DCHS1: variants seen among roughly 807,000 people sequenced by gnomAD.
DCHS1 encodes dachsous cadherin-related 1.
Under a neutral mutation model 213.9 loss-of-function variants are expected in DCHS1, and 78 were observed. The observed-to-expected ratio is 0.36, with a 90% CI of 0.30 to 0.44. The LOEUF (loss-of-function observed/expected upper bound fraction) is 0.44, where lower values mean the gene tolerates loss of function less well. Among genes scored for constraint, DCHS1 ranks in the 20% least tolerant of loss-of-function variants. The pLI is 1.00. For synonymous variants in DCHS1, 1,828 were observed against 1,873.7 expected (o/e 0.98, Z 0.63); for missense variants, 3,946 against 4,395.9 (o/e 0.90, Z 2.89).
chr11:6,643,853 T>C (rs758236811), intron 1 of DCHS1, among the ~76,000 whole-genome samples: 3 of 152,176 alleles, frequency 2.0e-5, no homozygotes, highest in African/African-American at 4.8e-5. Flanking sequence ...TCCATTCCTT[T>C]TCCTGTGAAT....
At chr11:6,642,148 C>A (rs1470194197) in intron 1 of DCHS1, among the ~76,000 whole-genome samples, 1 of 152,140 alleles carries the variant, frequency 6.6e-6, no homozygotes, top group Non-Finnish European at 1.5e-5. Context: ...TGGAGCTTTC[C>A]ATCAATACTA....
chr11:6,651,935 A>G (rs1031386500), intron 1 of DCHS1, among the ~76,000 whole-genome samples: 9 of 152,238 alleles, frequency 5.9e-5, no homozygotes. Context: ...AATGTGGCCT[A>G]GAAGAGAGAT....
chr11:6,629,854 G>A lies in DCHS1; in HGVS notation c.4853C>T (p.Thr1618Ile), dbSNP rs749475390. 1.2e-6 allele frequency: 2 copies of A among 1,613,090 alleles called. No homozygotes were observed. Among genetic ancestry groups the A allele is most frequent in the South Asian group, 2.2e-5 (2 of 91,074 alleles). ...DREQRAEHVL[T>I]VVASDHGSPP... ...GGAGCCGTGGTCTGAGGCCACCACTGTCAGTACGTGCTCAGCTCGTTGTTC... is the reference window on the plus strand; with the variant it reads ...GGAGCCGTGGTCTGAGGCCACCACTATCAGTACGTGCTCAGCTCGTTGTTC... The change falls in exon 11 of 21, where the codon ACA (threonine) becomes ATA (isoleucine). Residue 1618 changes from threonine (T) to isoleucine (I), a missense_variant. Around this residue, in one of 3 missense-constraint regions of DCHS1, gnomAD observed 3,384 missense variants for 3,780.1 expected, o/e 0.90. Coordinates refer to ENST00000299441, the MANE Select transcript of DCHS1 (RefSeq NM_003737.4).
At position 6,623,171 on chromosome 11, in the gene DCHS1, C is replaced by A; in HGVS notation, c.8505G>T (p.Val2835=). 1.2e-6 allele frequency: 2 copies of A among 1,607,872 alleles called. No individual in the cohort carries two copies. The highest frequency in any genetic ancestry group is 1.7e-6 in the Non-Finnish European group (2 of 1,177,194). ...CACCCCCATCCTCATCTGTGGCCTGCACGTGACCCAAGCTGTGGCCACGCC... is the reference window on the plus strand; with the variant it reads ...CACCCCCATCCTCATCTGTGGCCTGAACGTGACCCAAGCTGTGGCCACGCC... ...GARRGHSLGH[V]QATDEDGGAD... Residue 2835 remains valine, a synonymous_variant, in exon 21 of 21, where the codon GTG becomes GTT. Coordinates refer to ENST00000299441, the MANE Select transcript of DCHS1 (RefSeq NM_003737.4).
intron 1 of DCHS1, among the ~76,000 whole-genome samples, chr11:6,652,853 G>A (rs1050626896): frequency 3.9e-5 from 6 of 152,110 alleles, no homozygotes; most frequent in Non-Finnish European, 8.8e-5. Flanking sequence ...GAGCCCTGCT[G>A]ATCCCACTGC....
chr11:6,621,831 A>G lies in DCHS1; in HGVS notation c.9845T>C (p.Leu3282Pro). ...GVAQGPSASA[L>P]SAESGLEPPD... Reference sequence around the variant, plus strand: ...TGGCTCCAGGCCAGACTCTGCGCTGAGTGCTGAGGCTGAGGGACCCTGGGC... The same window carrying G: ...TGGCTCCAGGCCAGACTCTGCGCTGGGTGCTGAGGCTGAGGGACCCTGGGC... The change falls in exon 21 of 21, where the codon CTC (leucine) becomes CCC (proline). Residue 3282 changes from leucine (L) to proline (P), a missense_variant. Physicochemically the swap from Leu to Pro is moderately conservative, Grantham distance 98 (BLOSUM62 -3). Coordinates refer to ENST00000299441, the MANE Select transcript of DCHS1 (RefSeq NM_003737.4). The G allele has an allele frequency of 1.9e-6, 3 of 1,609,160 alleles. No homozygotes were observed. Among genetic ancestry groups the G allele is most frequent in the African/African-American group, 1.3e-5 (1 of 74,968 alleles).
chr11:6,642,620 GTC>G (rs1856095634), intron 1 of DCHS1, among the ~76,000 whole-genome samples: 1 of 122,264 alleles, frequency 8.2e-6, no homozygotes, highest in African/African-American at 3.1e-5. Context: ...GGCTCAGAGT[GTC>G]TGAGGGTGGG....
rs1212193015 is a variant in DCHS1, at chr11:6,627,482, G to A, written c.5557C>T (p.Pro1853Ser). Residue 1853 changes from proline (P) to serine (S), a missense_variant, in exon 14 of 21, where the codon CCA becomes TCA. Pro to Ser is a moderately conservative substitution (Grantham distance 74). Around this residue, in one of 3 missense-constraint regions of DCHS1, gnomAD observed 3,384 missense variants for 3,780.1 expected, o/e 0.90. Transcript: ENST00000299441. The surrounding 1 kb of genome is among the most constrained non-coding windows in gnomAD (Gnocchi z 5.4). ...VTVLDANDHA[P>S]AFPVPAYSVE... ...GAGTAGGCAGGCACAGGAAAGGCTG[G>A]AGCATGGTCATTGGCATCCAGCACT... 1.9e-6 allele frequency: 3 copies of A among 1,611,580 alleles called. No homozygotes were observed. The highest frequency in any genetic ancestry group is 2.5e-6 in the Non-Finnish European group (3 of 1,178,948).
At position 6,640,454 on chromosome 11, in the gene DCHS1, C is replaced by A; in HGVS notation, c.1160G>T (p.Arg387Leu). 2 of 1,613,814 alleles carry A rather than the reference C, an allele frequency of 1.2e-6. No individual in the cohort carries two copies. Among genetic ancestry groups the A allele is most frequent in the Non-Finnish European group, 8.5e-7 (1 of 1,179,886 alleles). Residue 387 changes from arginine (R) to leucine (L), a missense_variant, in exon 2 of 21, where the codon CGC becomes CTC. Arg to Leu is a moderately radical substitution (Grantham distance 102). Coordinates refer to ENST00000299441, the MANE Select transcript of DCHS1 (RefSeq NM_003737.4). This position sits in a 1 kb window ranked among gnomAD's most constrained non-coding sequence, Gnocchi z 6.5. ...EAAPPGQLVA[R>L]ISVSDPDDGD... ...ATCATCTGGGTCTGACACAGAGATG[C>A]GAGCAACGAGCTGTCCAGGTGGGGC... is the stretch of plus-strand genomic sequence containing the variant.
At chr11:6,655,345 C>T (rs1382199682) in intron 1 of DCHS1, among the ~76,000 whole-genome samples, 1 of 152,032 alleles carries the variant, frequency 6.6e-6, no homozygotes, top group Non-Finnish European at 1.5e-5. Context: ...CCGCCGCCAC[C>T]CTCCCCGACT....
At chr11:6,651,878 G>T (rs999707257) in intron 1 of DCHS1, among the ~76,000 whole-genome samples, 1 of 151,938 alleles carries the variant, frequency 6.6e-6, no homozygotes, top group Non-Finnish European at 1.5e-5. Flanking sequence ...ATGATAAGGG[G>T]TCGGTGAGCT....
At chr11:6,629,303 T>G in intron 12 of DCHS1, 149 bp downstream of exon 12, 3 of 1,128,660 alleles carry the variant, frequency 2.7e-6, no homozygotes, top group Non-Finnish European at 3.7e-6. Context: ...TGCCAAACTC[T>G]CGACTCCCCA....
intron 20 of DCHS1, 32 bp downstream of exon 20, chr11:6,624,698 A>T: frequency 6.2e-7 from 1 of 1,613,560 alleles, no homozygotes; most frequent in Non-Finnish European, 8.5e-7. Flanking sequence ...AACACAGTCA[A>T]AGGCAAGGGG....
chr11:6,653,571 T>C (rs1856274681), intron 1 of DCHS1, among the ~76,000 whole-genome samples: 1 of 152,154 alleles, frequency 6.6e-6, no homozygotes, highest in African/African-American at 2.4e-5. Flanking sequence ...TGTGGGGTAA[T>C]GAGTGTGAAG....
chr11:6,634,059 C>G (rs1589958034), intron 3 of DCHS1, 39 bp from the exon 4 acceptor site: 1 of 1,606,730 alleles, frequency 6.2e-7, no homozygotes, highest in African/African-American at 1.3e-5. Context: ...TGGGCCTCAT[C>G]TGGCCCTGGT....
At chr11:6,653,446 T>C (rs986390901) in intron 1 of DCHS1, among the ~76,000 whole-genome samples, 1 of 152,244 alleles carries the variant, frequency 6.6e-6, no homozygotes, top group African/African-American at 2.4e-5. Flanking sequence ...TGTTCACACT[T>C]GTGCTGCCAA....
chr11:6,630,347 C>A lies in DCHS1; in HGVS notation c.4447G>T (p.Val1483Leu). Residue 1483 changes from valine (V) to leucine (L), a missense_variant, in exon 10 of 21, where the codon GTG (valine) becomes TTG (leucine). This residue lies in a region of DCHS1 where 3,384 missense variants were observed against 3,780.1 expected (regional missense o/e 0.90). Coordinates refer to ENST00000299441, the MANE Select transcript of DCHS1 (RefSeq NM_003737.4). The part of the protein sequence containing the change: ...RYRLLRQEPP[V>L]PALRLDARTG... Reference sequence around the variant, plus strand: ...CGCGCGTCCAGGCGAAGCGCCGGCACGGGCGGCTCCTGGCGCAGCAGGCGG... The same window carrying A: ...CGCGCGTCCAGGCGAAGCGCCGGCAAGGGCGGCTCCTGGCGCAGCAGGCGG... 1 of 1,309,664 alleles carries A rather than the reference C, an allele frequency of 7.6e-7. No individual in the cohort carries two copies. The highest frequency in any genetic ancestry group is 9.7e-7 in the Non-Finnish European group (1 of 1,031,234). The allele number at this position is 1,309,664 out of a possible 1,614,324, so 81.1% of individuals were successfully genotyped here. A position where few individuals can be genotyped will look rare whatever the true frequency, so the allele number is the denominator to read the frequency against.
At chr11:6,647,600 C>T (rs1278770908) in intron 1 of DCHS1, among the ~76,000 whole-genome samples, 1 of 152,200 alleles carries the variant, frequency 6.6e-6, no homozygotes, top group Non-Finnish European at 1.5e-5. Flanking sequence ...AGCTCACAGA[C>T]AGTATCTCAT....
chr11:6,648,687 T>C (rs903222711), intron 1 of DCHS1, among the ~76,000 whole-genome samples: 3 of 152,210 alleles, frequency 2.0e-5, no homozygotes, highest in African/African-American at 7.2e-5. Context: ...CCAGCTGGAT[T>C]TGGTTCCCAG....
Sources: allele counts gnomAD v4.1 joint callset (sites outside exome capture counted in the v4.1 genomes callset), GRCh38; gene constraint gnomAD v4.1.1; regional missense constraint gnomAD v4.1.1; non-coding constraint Gnocchi (gnomAD v3.1); transcripts MANE v1.5; gene names NCBI Gene and HGNC (gene_info 2026-07-23, HGNC 2026-07-21).